Variants in ADAMTS17 observed in about 807,000 individuals in gnomAD.
ADAMTS17 encodes A disintegrin and metalloproteinase with thrombospondin motifs 17.
In ADAMTS17, 113 loss-of-function variants were observed where a neutral mutation model predicts 141.5. The observed-to-expected ratio is 0.80, with a 90% CI of 0.69 to 0.93. The LOEUF (loss-of-function observed/expected upper bound fraction) is 0.93, where lower values mean the gene tolerates loss of function less well. ADAMTS17 is among the 40% of genes least tolerant of loss of function. ADAMTS17 has a pLI of 0.00. For synonymous variants in ADAMTS17, 768 were observed against 630.6 expected (o/e 1.22, Z -3.27); for missense variants, 1,659 against 1,517.9 (o/e 1.09, Z -1.54).
intron 20 of ADAMTS17, among the ~76,000 whole-genome samples, chr15:99,977,911 C>T (rs2060399309): frequency 1.3e-5 from 2 of 152,302 alleles, no homozygotes; most frequent in East Asian, 3.9e-4. Context: ...CCACCAGAGC[C>T]CACACAACCC....
chr15:100,212,268 AAGG>A (rs1286215722), intron 7 of ADAMTS17, among the ~76,000 whole-genome samples: 2 of 152,146 alleles, frequency 1.3e-5, no homozygotes, highest in African/African-American at 4.8e-5. Flanking sequence ...AACCGCAGCA[AAGG>A]TAGAGAGGAC....
At chr15:100,263,356 C>T (rs1305890913) in intron 4 of ADAMTS17, among the ~76,000 whole-genome samples, 1 of 152,172 alleles carries the variant, frequency 6.6e-6, no homozygotes, top group East Asian at 1.9e-4. Context: ...CAAACTCAGC[C>T]CTGTCCAGCC....
At chr15:100,147,214 C>A (rs1359306692) in intron 10 of ADAMTS17, among the ~76,000 whole-genome samples, 2 of 152,084 alleles carry the variant, frequency 1.3e-5, no homozygotes, top group African/African-American at 4.8e-5. Flanking sequence ...TTAAAAATTT[C>A]TCTCTTTTGT....
intron 7 of ADAMTS17, among the ~76,000 whole-genome samples, chr15:100,210,199 C>CCAGCCTGG (rs2041750540): frequency 7.2e-6 from 1 of 138,036 alleles, no homozygotes; most frequent in Admixed American, 7.6e-5. Context: ...CCACTGCACT[C>CCAGCCTGG]CAGCCTGGGA....
chr15:100,326,237 CA>C (rs2045897380), intron 3 of ADAMTS17, among the ~76,000 whole-genome samples: 2 of 152,138 alleles, frequency 1.3e-5, no homozygotes, highest in Admixed American at 1.3e-4. Context: ...TAAAGAAACT[CA>C]AAGTAGCAAT....
At chr15:100,078,794 G>C (rs987229683) in intron 15 of ADAMTS17, among the ~76,000 whole-genome samples, 6 of 152,138 alleles carry the variant, frequency 3.9e-5, no homozygotes, top group Admixed American at 2.6e-4. Flanking sequence ...CATACACTGG[G>C]AGAAAATCTG....
chr15:100,129,839 A>C (rs56185308), intron 12 of ADAMTS17: 47,526 of 152,188 alleles, frequency 0.31, 8,362 homozygotes, highest in East Asian at 0.47. Flanking sequence ...CGCTCCCTCT[A>C]GTGGGCAGAA....
intron 15 of ADAMTS17, among the ~76,000 whole-genome samples, chr15:100,093,108 C>G (rs1431163469): frequency 6.6e-6 from 1 of 152,038 alleles, no homozygotes; most frequent in Non-Finnish European, 1.5e-5. Context: ...AGCTGAGGAC[C>G]TCATTTGTTC....
chr15:100,076,351 C>T (rs562701076), intron 15 of ADAMTS17, among the ~76,000 whole-genome samples: 1 of 152,230 alleles, frequency 6.6e-6, no homozygotes, highest in African/African-American at 2.4e-5. Context: ...CCTATGAGTT[C>T]CTATTTTATC....
At chr15:100,152,811 T>A in intron 9 of ADAMTS17, 49 bp from the exon 10 acceptor site, 1 of 1,595,970 alleles carries the variant, frequency 6.3e-7, no homozygotes. Flanking sequence ...TGCCTAGGTT[T>A]TTTTGTTTTC....
chr15:100,248,288 C>T (rs937592356), intron 7 of ADAMTS17, among the ~76,000 whole-genome samples: 3 of 152,184 alleles, frequency 2.0e-5, no homozygotes, highest in African/African-American at 4.8e-5. Flanking sequence ...CAAAAACCAC[C>T]GTAGCTCAAT....
At chr15:100,333,911 T>C (rs2046129649) in intron 2 of ADAMTS17, among the ~76,000 whole-genome samples, 2 of 152,202 alleles carry the variant, frequency 1.3e-5, no homozygotes, top group African/African-American at 4.8e-5. Flanking sequence ...CTGAAGCCCC[T>C]TGGTTTTAAG....
At chr15:100,107,852 T>C (rs1235779182) in intron 14 of ADAMTS17, among the ~76,000 whole-genome samples, 2 of 152,116 alleles carry the variant, frequency 1.3e-5, no homozygotes, top group Non-Finnish European at 2.9e-5. Context: ...GTCTATGGTG[T>C]ATCGTTACAG....
intron 2 of ADAMTS17, among the ~76,000 whole-genome samples, chr15:100,338,448 A>G (rs1270164942): frequency 1.3e-5 from 2 of 152,170 alleles, no homozygotes; most frequent in Non-Finnish European, 2.9e-5. Context: ...AGCAATTAAC[A>G]TGATACTCAA....
Position 100,053,990 on chromosome 15 carries a change from G to T in ADAMTS17, c.2202C>A (p.Phe734Leu). ...SDWKIELPGE[F>L]QIAGTTVRYV... ...AGCGAACAGTTGTGCCTGCAATCTG[G>T]AACTCTCCGGGGAGCTCTATCTTCC... The change falls in exon 16 of 22, where the codon TTC (phenylalanine) becomes TTA (leucine). Residue 734 changes from phenylalanine to leucine, a missense_variant. Transcript: ENST00000268070. 2 of 1,614,154 alleles carry T rather than the reference G, an allele frequency of 1.2e-6. No individual in the cohort carries two copies. Among genetic ancestry groups the T allele is most frequent in the Non-Finnish European group, 1.7e-6 (2 of 1,180,032 alleles).
chr15:100,076,597 G>T (rs2034395658), intron 15 of ADAMTS17, among the ~76,000 whole-genome samples: 1 of 152,190 alleles, frequency 6.6e-6, no homozygotes, highest in Admixed American at 6.5e-5. Flanking sequence ...GTGTGGTAGG[G>T]AGAAATAGCA....
chr15:100,112,257 C>T (rs2036835627), intron 13 of ADAMTS17, among the ~76,000 whole-genome samples: 1 of 152,196 alleles, frequency 6.6e-6, no homozygotes, highest in Non-Finnish European at 1.5e-5. Context: ...TCAGCTCCAC[C>T]TGCATGCAGC....
chr15:99,977,933 G>A (rs1474041821), intron 20 of ADAMTS17, among the ~76,000 whole-genome samples: 2 of 152,182 alleles, frequency 1.3e-5, no homozygotes, highest in Non-Finnish European at 2.9e-5. Flanking sequence ...TGATTTACAG[G>A]GTTCTGAGAG....
intron 15 of ADAMTS17, among the ~76,000 whole-genome samples, chr15:100,076,117 A>T (rs1233082935): frequency 6.6e-6 from 1 of 151,986 alleles, no homozygotes; most frequent in Non-Finnish European, 1.5e-5. Flanking sequence ...ATCTCAGCTC[A>T]ATGCAACCTC....
Sources: allele counts gnomAD v4.1 joint callset (sites outside exome capture counted in the v4.1 genomes callset), GRCh38; gene constraint gnomAD v4.1.1; transcripts MANE v1.5; gene names NCBI Gene and HGNC (gene_info 2026-07-23, HGNC 2026-07-21).